GREB1L: variants seen among roughly 807,000 people sequenced by gnomAD.
The protein encoded by GREB1L is GREB1-like protein.
In GREB1L, 17 loss-of-function variants were observed where a neutral mutation model predicts 200.8. That is an observed-to-expected ratio of 0.08 (90% CI 0.06 to 0.13). GREB1L has a LOEUF of 0.13. GREB1L is among the 10% of genes least tolerant of loss of function. The probability of loss-of-function intolerance (pLI) is 1.00; values close to 1 mark genes in which losing one functional copy is unlikely to be tolerated. For synonymous variants in GREB1L, 789 were observed against 893.0 expected (o/e 0.88, Z 2.08); for missense variants, 1,657 against 2,367.7 (o/e 0.70, Z 6.23).
At chr18:21,501,501 G>C (rs1304525818) in intron 23 of GREB1L, among the ~76,000 whole-genome samples, 1 of 152,118 alleles carries the variant, frequency 6.6e-6, no homozygotes, top group Non-Finnish European at 1.5e-5. Context: ...TTCTGTTCCT[G>C]TGTTAGTTTG....
chr18:21,497,275 G>GT (rs2036581182), intron 21 of GREB1L, among the ~76,000 whole-genome samples: 1 of 152,088 alleles, frequency 6.6e-6, no homozygotes. Context: ...ATTTTCTTCT[G>GT]ATAAATTGTA....
chr18:21,331,758 A>G (rs543690671), intron 1 of GREB1L, among the ~76,000 whole-genome samples: 8 of 152,340 alleles, frequency 5.3e-5, no homozygotes, highest in Middle Eastern at 3.4e-3. Context: ...TTGTAGTGAT[A>G]TGGCAGAGGA....
intron 1 of GREB1L, among the ~76,000 whole-genome samples, chr18:21,292,642 C>G (rs2038468490): frequency 6.6e-6 from 1 of 152,172 alleles, no homozygotes; most frequent in South Asian, 2.1e-4. Flanking sequence ...TTTCACTTAG[C>G]CTGATGTTTT....
At chr18:21,380,882 C>T (rs1485313675) in intron 2 of GREB1L, among the ~76,000 whole-genome samples, 6 of 151,812 alleles carry the variant, frequency 4.0e-5, no homozygotes, top group Non-Finnish European at 5.9e-5. Context: ...GGGTGGATCA[C>T]GAGGTCAGGA....
chr18:21,375,209 C>T (rs1567959938), intron 2 of GREB1L, among the ~76,000 whole-genome samples: 2 of 151,804 alleles, frequency 1.3e-5, no homozygotes, highest in Non-Finnish European at 2.9e-5. Context: ...GGACTATAGG[C>T]ACGCACCACC....
At chr18:21,345,283 C>T (rs1188013155) in intron 1 of GREB1L, among the ~76,000 whole-genome samples, 2 of 152,168 alleles carry the variant, frequency 1.3e-5, no homozygotes, top group African/African-American at 4.8e-5. Context: ...TCTCAGGGTT[C>T]CCTGAATCAG....
At chr18:21,474,683 G>A (rs1235840174) in intron 16 of GREB1L, among the ~76,000 whole-genome samples, 1 of 152,058 alleles carries the variant, frequency 6.6e-6, no homozygotes, top group African/African-American at 2.4e-5. Context: ...CACAGCACAG[G>A]GCCCACCCCA....
intron 1 of GREB1L, among the ~76,000 whole-genome samples, chr18:21,243,621 A>T (rs1374172088): frequency 1.3e-5 from 2 of 152,260 alleles, no homozygotes; most frequent in East Asian, 1.9e-4. Flanking sequence ...CCTCTCATTC[A>T]TCTATATATG....
chr18:21,307,156 C>T (rs1485765711), intron 1 of GREB1L, among the ~76,000 whole-genome samples: 1 of 152,162 alleles, frequency 6.6e-6, no homozygotes, highest in East Asian at 1.9e-4. Context: ...GCAATTTTTC[C>T]TTTAGGAGTT....
chr18:21,355,927 T>C (rs1362598001), intron 1 of GREB1L, among the ~76,000 whole-genome samples: 1 of 152,008 alleles, frequency 6.6e-6, no homozygotes, highest in African/African-American at 2.4e-5. Flanking sequence ...TTAATTAGAA[T>C]TGTGTTGTTT....
At chr18:21,454,339 T>G in intron 14 of GREB1L, 27 bp from the exon 15 acceptor site, 1 of 1,488,834 alleles carries the variant, frequency 6.7e-7, no homozygotes, top group Non-Finnish European at 9.2e-7. Flanking sequence ...ATTAACCTTG[T>G]TCTTATGACT....
chr18:21,285,015 T>C (rs1317100686), intron 1 of GREB1L, among the ~76,000 whole-genome samples: 1 of 152,226 alleles, frequency 6.6e-6, no homozygotes, highest in Non-Finnish European at 1.5e-5. Flanking sequence ...TGCCCAGTTT[T>C]TGATCATATT....
intron 1 of GREB1L, among the ~76,000 whole-genome samples, chr18:21,266,313 A>G (rs1481992471): frequency 1.3e-5 from 2 of 152,240 alleles, no homozygotes; most frequent in Non-Finnish European, 2.9e-5. Flanking sequence ...CATAGATGGA[A>G]TAGATCATTT....
In GREB1L at chr18:21,246,881, A is replaced by G. The variant is rs1357496780; in HGVS notation, c.-120+4488A>G. Among the ~76,000 whole-genome samples, 3 of 152,234 alleles carry G rather than the reference A, an allele frequency of 2.0e-5. No individual in the cohort carries two copies. In the East Asian group the frequency reaches 5.8e-4, roughly 29 times the overall value. Reference sequence around the variant, plus strand: ...GGAATGCTTCTCAAAACTTGAGGAAAAATCAGAGAGAAAATTTATGATCTC... The same window carrying G: ...GGAATGCTTCTCAAAACTTGAGGAAGAATCAGAGAGAAAATTTATGATCTC... On this transcript the variant is annotated intron_variant, in intron 1 of 32. Coordinates refer to ENST00000424526, the MANE Select transcript of GREB1L (RefSeq NM_001142966.3).
intron 7 of GREB1L, among the ~76,000 whole-genome samples, chr18:21,427,527 C>A (rs2032713829): frequency 6.6e-6 from 1 of 152,030 alleles, no homozygotes; most frequent in Admixed American, 6.6e-5. Context: ...AACAAAAAAA[C>A]CAACAATGGT....
Position 21,507,957 on chromosome 18 carries a change from C to G in GREB1L, c.4369-161C>G, listed in dbSNP as rs150368830. ...TGGCAGCTCCTAAATGAAGTGTTTG[C>G]CTTATCAACCTTTTAGACGTGGCTG... is the stretch of plus-strand genomic sequence containing the variant. On this transcript the variant is annotated intron_variant, in intron 25 of 32. Transcript: ENST00000424526. 6.0e-3 allele frequency among the ~76,000 whole-genome samples: 907 copies of G among 152,284 alleles called. 5 individuals are homozygous for G. The highest frequency in any genetic ancestry group is 9.8e-3 in the Non-Finnish European group (669 of 68,018).
Position 21,496,701 on chromosome 18 carries a change from C to A in GREB1L, c.3391+3C>A. On this transcript the variant is annotated splice_donor_region_variant and intron_variant, in intron 21 of 32. Transcript: ENST00000424526. Reference sequence around the variant, plus strand: ...CAGCGCTGTCACAGGGACCTCGGGTCAGTACTTTCTTTTCTCTTTCATGGA... The same window carrying A: ...CAGCGCTGTCACAGGGACCTCGGGTAAGTACTTTCTTTTCTCTTTCATGGA... 6.4e-7 allele frequency: 1 copy of A among 1,550,640 alleles called. No individual in the cohort carries two copies. The highest frequency in any genetic ancestry group is 1.2e-5 in the South Asian group (1 of 83,974).
intron 10 of GREB1L, 40 bp from the exon 11 acceptor site, chr18:21,444,184 A>G: frequency 7.0e-7 from 1 of 1,430,222 alleles, no homozygotes; most frequent in Non-Finnish European, 9.5e-7. Context: ...GACCATAAAA[A>G]GAAATGTTGA....
chr18:21,253,560 A>G (rs982692388), intron 1 of GREB1L, among the ~76,000 whole-genome samples: 2 of 151,946 alleles, frequency 1.3e-5, no homozygotes, highest in Admixed American at 1.3e-4. Flanking sequence ...TATTTCAAGG[A>G]TTTTTTCTCA....
Sources: allele counts gnomAD v4.1 joint callset (sites outside exome capture counted in the v4.1 genomes callset), GRCh38; gene constraint gnomAD v4.1.1; transcripts MANE v1.5; gene names NCBI Gene and HGNC (gene_info 2026-07-23, HGNC 2026-07-21).